DIAPH1: variants seen among roughly 807,000 people sequenced by gnomAD.
DIAPH1 encodes diaphanous related formin 1.
DIAPH1 carries 46 observed loss-of-function variants against 140.7 expected under a neutral mutation model. That is an observed-to-expected ratio of 0.33 (90% CI 0.26 to 0.42). DIAPH1 has a LOEUF of 0.42. Ranked by LOEUF, DIAPH1 falls within the 10% of genes least tolerant of loss-of-function variation. The probability of loss-of-function intolerance (pLI) is 1.00; values close to 1 mark genes in which losing one functional copy is unlikely to be tolerated. For missense variants in DIAPH1, 1,310 were observed against 1,558.7 expected (o/e 0.84, Z 2.69); for synonymous variants, 565 against 551.6 (o/e 1.02, Z -0.34).
intron 18 of DIAPH1, among the ~76,000 whole-genome samples, chr5:141,555,692 A>AC (rs377281670): frequency 6.6e-6 from 1 of 152,298 alleles, no homozygotes; most frequent in East Asian, 1.9e-4. Flanking sequence ...TATAGATAGC[A>AC]CCTTAGCACA....
intron 18 of DIAPH1, among the ~76,000 whole-genome samples, chr5:141,555,634 AAT>A (rs2099892453): frequency 6.6e-6 from 1 of 152,224 alleles, no homozygotes; most frequent in Admixed American, 6.5e-5. Context: ...AGGGCTGAGT[AAT>A]TTCAGTTTAC....
At chr5:141,540,989 G>A (rs116586592) in intron 18 of DIAPH1, among the ~76,000 whole-genome samples, 1 of 152,076 alleles carries the variant, frequency 6.6e-6, no homozygotes, top group Non-Finnish European at 1.5e-5. Flanking sequence ...GAGCCCGGGA[G>A]GGGGAAGTTG....
chr5:141,519,049 A>G, intron 27 of DIAPH1: 2 of 1,485,910 alleles, frequency 1.3e-6, no homozygotes, highest in Non-Finnish European at 1.8e-6. Flanking sequence ...CACAGGACTT[A>G]TCTAGTTACA....
At chr5:141,539,417 TG>T (rs2099889595) in intron 18 of DIAPH1, among the ~76,000 whole-genome samples, 2 of 136,428 alleles carry the variant, frequency 1.5e-5, no homozygotes, top group African/African-American at 3.2e-5. Flanking sequence ...TGGGTAGTTT[TG>T]TTTTTTTTTT....
chr5:141,576,559 T>C (rs2099895992), intron 13 of DIAPH1, among the ~76,000 whole-genome samples, 197 bp downstream of exon 13: 2 of 152,238 alleles, frequency 1.3e-5, no homozygotes, highest in Admixed American at 6.5e-5. Context: ...CAAAAGGTGC[T>C]GGTGTGTGTT....
chr5:141,547,275 T>C lies in DIAPH1; in HGVS notation c.2483-12842A>G, dbSNP rs150313700. Among the ~76,000 whole-genome samples, 1,281 of 152,148 alleles carry C rather than the reference T, an allele frequency of 8.4e-3. 16 individuals are homozygous for C. The highest frequency in any genetic ancestry group is 0.029 in the African/African-American group (1,207 of 41,508). ...GGTCAGGAGATCAAGACCATCCTGGTTAACACGGTGAAACCCCATCTCTAC... is the reference window on the plus strand; with the variant it reads ...GGTCAGGAGATCAAGACCATCCTGGCTAACACGGTGAAACCCCATCTCTAC... On this transcript the variant is annotated intron_variant, in intron 18 of 27. Coordinates refer to ENST00000389054, the MANE Select transcript of DIAPH1 (RefSeq NM_005219.5).
chr5:141,523,171 A>C (rs1420391562), intron 27 of DIAPH1, among the ~76,000 whole-genome samples: 2 of 152,222 alleles, frequency 1.3e-5, no homozygotes, highest in Non-Finnish European at 2.9e-5. Context: ...TCAAAGTATA[A>C]CTATCAAATG....
At chr5:141,550,674 G>T (rs1303139342) in intron 18 of DIAPH1, among the ~76,000 whole-genome samples, 1 of 151,920 alleles carries the variant, frequency 6.6e-6, no homozygotes, top group Non-Finnish European at 1.5e-5. Context: ...GGAGTGCAGT[G>T]GCACAATCTC....
intron 19 of DIAPH1, among the ~76,000 whole-genome samples, chr5:141,532,878 C>A (rs1293081456): frequency 2.0e-5 from 3 of 152,152 alleles, no homozygotes; most frequent in Non-Finnish European, 2.9e-5. Flanking sequence ...ATTTTTTAAA[C>A]CAATTACTCA....
In DIAPH1 at chr5:141,575,078, C is replaced by T. The variant is rs554680467; in HGVS notation, c.1530G>A (p.Glu510=). ...VEMKKMESDF[E]QKLQDLQGEK... ...CTCCCTGAAGATCTTGAAGCTTCTG[C>T]TCAAAGTCACTTTCCATCTTTTTCA... Residue 510 remains glutamate (E), a synonymous_variant, in exon 15 of 28, where the codon GAG becomes GAA. Coordinates refer to ENST00000389054, the MANE Select transcript of DIAPH1 (RefSeq NM_005219.5). 6.8e-6 allele frequency: 11 copies of T among 1,614,090 alleles called. No individual in the cohort carries two copies. Among genetic ancestry groups the T allele is most frequent in the Non-Finnish European group, 9.3e-6 (11 of 1,180,052 alleles).
rs146614211 is a variant in DIAPH1 at position 141,618,013 on chromosome 5, A to G, written c.117+785T>C. Among the ~76,000 whole-genome samples, 223 of 152,344 alleles carry G rather than the reference A, an allele frequency of 1.5e-3. 1 individual carries two copies. Among genetic ancestry groups the G allele is most frequent in the African/African-American group, 5.0e-3 (208 of 41,576 alleles). On this transcript the variant is annotated intron_variant, in intron 1 of 27. Transcript: ENST00000389054. The stretch of plus-strand genomic sequence containing the variant: ...ACAAACTTCTTGAACTCGCAGTCCA[A>G]CTTTCTTCCCACAGGAGAGGTTTAT...
chr5:141,565,132 C>G lies in DIAPH1; in HGVS notation c.2482+6296G>C, dbSNP rs1452672921. 6.6e-6 allele frequency: 1 copy of G among 152,086 alleles called. No homozygotes were observed. The highest frequency in any genetic ancestry group is 1.9e-4 in the East Asian group (1 of 5,196). 9.4% of individuals were successfully genotyped at this position (152,086 alleles called of 1,614,324 possible). On this transcript the variant is annotated intron_variant, in intron 18 of 27. Transcript: ENST00000389054. The surrounding 1 kb of genome is among the most constrained non-coding windows in gnomAD (Gnocchi z 4.3). ...ATTTGTATTATATGACAGAATACAA[C>G]TATCAGAAATAATGACACAAATCTA...
intron 1 of DIAPH1, among the ~76,000 whole-genome samples, chr5:141,616,976 C>T (rs1233928869): frequency 8.5e-5 from 13 of 152,154 alleles, no homozygotes; most frequent in Admixed American, 8.5e-4. Context: ...ACATAGTAGA[C>T]TTCACAAGTT....
At chr5:141,521,372 A>G (rs2099886514) in intron 27 of DIAPH1, among the ~76,000 whole-genome samples, 1 of 152,214 alleles carries the variant, frequency 6.6e-6, no homozygotes, top group East Asian at 1.9e-4. Flanking sequence ...AGCTGACTCA[A>G]TCATGGGCCT....
intron 18 of DIAPH1, among the ~76,000 whole-genome samples, chr5:141,550,042 C>G: frequency 6.6e-6 from 1 of 152,004 alleles, no homozygotes; most frequent in East Asian, 1.9e-4. Flanking sequence ...CAGGCAAATT[C>G]TAACTAGAAG....
Position 141,517,019 on chromosome 5 carries a change from A to C in DIAPH1, c.3662-11T>G, listed in dbSNP as rs1278697343. ...CGGCCTTCCTGTTGGCTGCAAGAGA[A>C]GACGAGAGATTCTGTCTATGGAAGG... is the stretch of plus-strand genomic sequence containing the variant. On this transcript the variant is annotated splice_polypyrimidine_tract_variant and intron_variant, in intron 27 of 27. Transcript: ENST00000389054. The C allele has an allele frequency of 3.1e-6, 5 of 1,614,158 alleles. No homozygotes were observed. The highest frequency in any genetic ancestry group is 4.2e-6 in the Non-Finnish European group (5 of 1,180,026).
intron 18 of DIAPH1, among the ~76,000 whole-genome samples, chr5:141,557,337 G>C (rs1405393057): frequency 6.6e-6 from 1 of 152,150 alleles, no homozygotes; most frequent in Admixed American, 6.5e-5. Flanking sequence ...AGACAAAGTT[G>C]ATACAGGTAT....
In DIAPH1 at chr5:141,582,382, A is replaced by G. The variant is rs727502963; in HGVS notation, c.621-7T>C. 1.2e-6 allele frequency: 2 copies of G among 1,605,510 alleles called. No individual in the cohort carries two copies. The highest frequency in any genetic ancestry group is 2.2e-5 in the South Asian group (2 of 90,878). ...GTTCCGGCTATCGTAACTCCTGTAT[A>G]TAGAAGACATAATCAGTGAGGTCCC... On this transcript the variant is annotated splice_region_variant and splice_polypyrimidine_tract_variant and intron_variant, in intron 6 of 27. Transcript: ENST00000389054.
At chr5:141,524,631 C>T (rs1214562328) in intron 26 of DIAPH1, 1 of 323,552 alleles carries the variant, frequency 3.1e-6, no homozygotes, top group African/African-American at 2.2e-5. Flanking sequence ...GGTTAGGTTT[C>T]AGAGCAGGGC....
Sources: gnomAD v4.1 joint callset for allele counts (sites outside exome capture counted in the v4.1 genomes callset) on GRCh38, gnomAD v4.1.1 for gene constraint, Gnocchi (gnomAD v3.1) non-coding constraint, MANE v1.5 for transcripts, NCBI Gene and HGNC (gene_info 2026-07-23, HGNC 2026-07-21) for gene names.